The following CCM2L variants were observed in gnomAD, a reference collection of about 807,000 sequenced individuals.
The protein encoded by CCM2L is CCM2 like scaffold protein.
A neutral mutation model predicts 54.1 loss-of-function variants in CCM2L; 36 were observed. The ratio of observed to expected loss-of-function variants is 0.67; its 90% CI spans 0.51 to 0.88. The LOEUF (loss-of-function observed/expected upper bound fraction) is 0.88, where lower values mean the gene tolerates loss of function less well. Ranked by LOEUF, CCM2L falls within the 40% of genes least tolerant of loss-of-function variation. CCM2L has a pLI of 0.00. For missense variants in CCM2L, 700 were observed against 812.1 expected (o/e 0.86, Z 1.68); for synonymous variants, 351 against 359.3 (o/e 0.98, Z 0.26).
chr20:32,011,416 C>A lies in CCM2L; in HGVS notation c.30+932C>A, dbSNP rs144469877. 6.6e-3 allele frequency among the ~76,000 whole-genome samples: 1,008 copies of A among 152,132 alleles called. 14 individuals are homozygous for A. The highest frequency in any genetic ancestry group is 0.024 in the African/African-American group (980 of 41,484). ...GGTCAGGGGTTCGAGACCAGCCAGG[C>A]CAACATGGCGAAACCCTGTCTCTAC... On this transcript the variant is annotated intron_variant, in intron 1 of 9. Transcript: ENST00000452892.
chr20:32,025,083 C>CTTTCTT (rs780097570), intron 6 of CCM2L, among the ~76,000 whole-genome samples: 1 of 143,774 alleles, frequency 7.0e-6, no homozygotes, highest in African/African-American at 2.9e-5. Flanking sequence ...TTCTTTCTTT[C>CTTTCTT]TCTCTTTCTT....
At position 32,031,501 on chromosome 20, in the gene CCM2L, CGAAGCCGGGCCCT is replaced by C. The variant is rs2064928909; in HGVS notation, c.*192_*204del. 1 of 368,606 alleles carries C rather than the reference CGAAGCCGGGCCCT, an allele frequency of 2.7e-6. No homozygotes were observed. Among genetic ancestry groups the C allele is most frequent in the South Asian group, 2.7e-5 (1 of 37,260 alleles). The allele number at this position is 368,606 out of a possible 1,614,324, so 22.8% of individuals were successfully genotyped here. ...CCTGGAGTGTCCTGCAGGGGGAAAG[CGAAGCCGGGCCCT>C]GAAGTCCGGGGCAGTCACCCGGGGC... On this transcript the variant is annotated 3_prime_UTR_variant, in exon 10 of 10. Coordinates refer to ENST00000452892, the MANE Select transcript of CCM2L (RefSeq NM_001365692.1).
chr20:32,019,589 G>A (rs1192375099), intron 5 of CCM2L, among the ~76,000 whole-genome samples, 180 bp downstream of exon 5: 1 of 151,374 alleles, frequency 6.6e-6, no homozygotes, highest in African/African-American at 2.4e-5. Flanking sequence ...ATCTCCCCTT[G>A]ACTCCCTCAA....
intron 1 of CCM2L, among the ~76,000 whole-genome samples, chr20:32,013,430 G>A (rs771491074): frequency 2.0e-5 from 3 of 151,004 alleles, no homozygotes; most frequent in Admixed American, 6.6e-5. Context: ...TGTGTGGAGT[G>A]GGGGGGTGGG....
chr20:32,015,322 T>C (rs549438794), intron 2 of CCM2L, among the ~76,000 whole-genome samples: 1 of 152,312 alleles, frequency 6.6e-6, no homozygotes, highest in African/African-American at 2.4e-5. Flanking sequence ...GAGAGTGTTC[T>C]GTGCGTGGAA....
At chr20:32,013,119 G>A (rs1312943359) in intron 1 of CCM2L, among the ~76,000 whole-genome samples, 1 of 152,150 alleles carries the variant, frequency 6.6e-6, no homozygotes, top group African/African-American at 2.4e-5. Context: ...GCAACGCAGT[G>A]AGACCTCATC....
Position 32,019,410 on chromosome 20 carries a change from G to A in CCM2L, c.933+1G>A, listed in dbSNP as rs1045306359. ...GGTCATCCTGGCTGTAGCCAACAGGGTGAGCCCGAGGGCAGCCTGCTCCCA... is the reference window on the plus strand; with the variant it reads ...GGTCATCCTGGCTGTAGCCAACAGGATGAGCCCGAGGGCAGCCTGCTCCCA... On this transcript the variant is annotated splice_donor_variant, in intron 5 of 9. Transcript: ENST00000452892. LOFTEE classifies it high-confidence loss of function. 8.6e-6 allele frequency: 13 copies of A among 1,519,934 alleles called. No individual in the cohort carries two copies. The highest frequency in any genetic ancestry group is 2.8e-5 in the African/African-American group (2 of 70,398). 94.2% of individuals were successfully genotyped at this position (1,519,934 alleles called of 1,614,324 possible). A position where few individuals can be genotyped will look rare whatever the true frequency, so the allele number is the denominator to read the frequency against.
chr20:32,025,896 C>T lies in CCM2L; in HGVS notation c.1110C>T (p.Ala370=), dbSNP rs752946804. ...CAGATGGGACGTATGCCTATGATGC[C>T]GACTTCAGCTGCTGCAGCTCCTTGT... The part of the protein sequence containing the change: ...CHTDGTYAYD[A]DFSCCSSFNG... The change falls in exon 7 of 10, where the codon GCC becomes GCT. Residue 370 remains alanine (A), a synonymous_variant. Coordinates refer to ENST00000452892, the MANE Select transcript of CCM2L (RefSeq NM_001365692.1). 4.8e-5 allele frequency: 62 copies of T among 1,304,060 alleles called. No individual in the cohort carries two copies. Among genetic ancestry groups the T allele is most frequent in the Admixed American group, 9.2e-5 (4 of 43,552 alleles). 80.8% of individuals were successfully genotyped at this position (1,304,060 alleles called of 1,614,324 possible).
chr20:32,018,213 G>GC (rs2064759588), intron 4 of CCM2L, 51 bp downstream of exon 4: 3 of 176,264 alleles, frequency 1.7e-5, no homozygotes, highest in East Asian at 1.6e-4. Flanking sequence ...GGGGGCGGGG[G>GC]AGGGGCGGGG....
chr20:32,020,047 C>A (rs2064788603), intron 5 of CCM2L, among the ~76,000 whole-genome samples: 1 of 152,144 alleles, frequency 6.6e-6, no homozygotes, highest in South Asian at 2.1e-4. Flanking sequence ...TTCACCCGAC[C>A]ATGTTTCTTG....
At position 32,019,176 on chromosome 20, in the gene CCM2L, T is replaced by C; in HGVS notation, c.700T>C (p.Ser234Pro). 1 of 1,122,046 alleles carries C rather than the reference T, an allele frequency of 8.9e-7. No homozygotes were observed. The highest frequency in any genetic ancestry group is 4.1e-5 in the East Asian group (1 of 24,320). The allele number at this position is 1,122,046 out of a possible 1,614,324, so 69.5% of individuals were successfully genotyped here. ...LERQRAGARASGSWERRQTFS... is the reference protein window; with the variant it reads ...LERQRAGARAPGSWERRQTFS... ...GCGCCAGCGCGCCGGGGCGCGGGCG[T>C]CGGGCAGCTGGGAGCGACGGCAGAC... is the stretch of plus-strand genomic sequence containing the variant. The change falls in exon 5 of 10, where the codon TCG becomes CCG. Residue 234 changes from serine (S) to proline (P), a missense_variant. Ser to Pro is a moderately conservative substitution (Grantham distance 74). Coordinates refer to ENST00000452892, the MANE Select transcript of CCM2L (RefSeq NM_001365692.1).
At chr20:32,027,686 A>G (rs916134090) in intron 7 of CCM2L, 2 of 152,238 alleles carry the variant, frequency 1.3e-5, no homozygotes, top group African/African-American at 4.8e-5. Flanking sequence ...ACAAAGCTAC[A>G]CGGCTTCTTT....
At chr20:32,017,109 T>C (rs2064747307) in intron 2 of CCM2L, among the ~76,000 whole-genome samples, 1 of 152,196 alleles carries the variant, frequency 6.6e-6, no homozygotes, top group Non-Finnish European at 1.5e-5. Context: ...TATCTTGCCA[T>C]TGAACCCCAG....
At chr20:32,013,353 T>C (rs1471657783) in intron 1 of CCM2L, among the ~76,000 whole-genome samples, 1 of 152,178 alleles carries the variant, frequency 6.6e-6, no homozygotes, top group Admixed American at 6.5e-5. Context: ...CAGAATTTCT[T>C]ATTCAGTTGG....
chr20:32,019,909 G>A (rs1429616901), intron 5 of CCM2L, among the ~76,000 whole-genome samples: 1 of 152,220 alleles, frequency 6.6e-6, no homozygotes, highest in African/African-American at 2.4e-5. Context: ...TTCAAATCCA[G>A]TAAGTTCAGA....
At chr20:32,011,305 T>G (rs1007799633) in intron 1 of CCM2L, among the ~76,000 whole-genome samples, 10 of 152,166 alleles carry the variant, frequency 6.6e-5, no homozygotes, top group African/African-American at 2.4e-4. Context: ...AATAAGTTAA[T>G]GTAAAATTGC....
intron 6 of CCM2L, 48 bp from the exon 7 acceptor site, chr20:32,025,808 G>A: frequency 8.0e-7 from 1 of 1,253,586 alleles, no homozygotes; most frequent in Non-Finnish European, 1.1e-6. Flanking sequence ...AGGGGATGCT[G>A]ATCCCTGCTT....
At chr20:32,024,404 G>A (rs1216233647) in intron 6 of CCM2L, among the ~76,000 whole-genome samples, 1 of 152,218 alleles carries the variant, frequency 6.6e-6, no homozygotes, top group Non-Finnish European at 1.5e-5. Flanking sequence ...TATTTATTGA[G>A]CACCTAGTGG....
rs1258570814 is a variant in CCM2L, at chr20:32,029,109, G to A, written c.1248G>A (p.Gln416=). The A allele has an allele frequency of 8.7e-6, 14 of 1,614,210 alleles. No homozygotes were observed. Among genetic ancestry groups the A allele is most frequent in the Non-Finnish European group, 1.1e-5 (13 of 1,180,034 alleles). ...DHSSLGLEQL[Q]DYMVTLRSKL... Reference sequence around the variant, plus strand: ...GCAGTCTGGGCTTGGAGCAGTTACAGGATTACATGGTCACGGTGAGCTGGG... The same window carrying A: ...GCAGTCTGGGCTTGGAGCAGTTACAAGATTACATGGTCACGGTGAGCTGGG... The change falls in exon 8 of 10, where the codon CAG becomes CAA. Residue 416 remains glutamine, a synonymous_variant. Coordinates refer to ENST00000452892, the MANE Select transcript of CCM2L (RefSeq NM_001365692.1).
Sources: allele counts gnomAD v4.1 joint callset (sites outside exome capture counted in the v4.1 genomes callset), GRCh38; gene constraint gnomAD v4.1.1; transcripts MANE v1.5; gene names NCBI Gene and HGNC (gene_info 2026-07-23, HGNC 2026-07-21).